Variants in MORN5 observed in about 807,000 individuals in gnomAD.
The protein encoded by MORN5 is MORN repeat-containing protein 5.
MORN5 carries 21 observed loss-of-function variants against 22.1 expected under a neutral mutation model. The ratio of observed to expected loss-of-function variants is 0.95; its 90% CI spans 0.67 to 1.37. The LOEUF (loss-of-function observed/expected upper bound fraction) is 1.37, where lower values mean the gene tolerates loss of function less well. Among genes scored for constraint, MORN5 ranks in the 40% most tolerant of loss-of-function variants. The probability of loss-of-function intolerance (pLI) is 0.00; values close to 1 mark genes in which losing one functional copy is unlikely to be tolerated. For synonymous variants in MORN5, 73 were observed against 74.0 expected (o/e 0.99, Z 0.07); for missense variants, 211 against 215.1 (o/e 0.98, Z 0.12).
intron 4 of MORN5, among the ~76,000 whole-genome samples, chr9:122,195,777 C>T (rs1039395580): frequency 7.2e-5 from 11 of 152,138 alleles, no homozygotes; most frequent in East Asian, 1.9e-4. Flanking sequence ...TGCACAGCCA[C>T]GCTTCAGAAG....
intron 4 of MORN5, among the ~76,000 whole-genome samples, chr9:122,176,959 T>C (rs1013933932): frequency 3.9e-5 from 6 of 152,178 alleles, no homozygotes; most frequent in Non-Finnish European, 7.4e-5. Context: ...AAGGAAGACA[T>C]TGAGGTAACA....
At position 122,174,646 on chromosome 9, in the gene MORN5, T is replaced by C. The variant is rs1435016511; in HGVS notation, c.439+19T>C. ...AACGCAGGTAGGTTTCTTCCGACAC[T>C]GCAGCACGTTTTCTCTTCACCCACA... On this transcript the variant is annotated intron_variant, in intron 4 of 4. Coordinates refer to ENST00000373764, the MANE Select transcript of MORN5 (RefSeq NM_198469.4). 1.2e-6 allele frequency: 2 copies of C among 1,614,002 alleles called. No individual in the cohort carries two copies. Among genetic ancestry groups the C allele is most frequent in the East Asian group, 2.2e-5 (1 of 44,876 alleles).
At chr9:122,187,965 AG>A (rs1829673992) in intron 4 of MORN5, among the ~76,000 whole-genome samples, 1 of 152,188 alleles carries the variant, frequency 6.6e-6, no homozygotes, top group African/African-American at 2.4e-5. Context: ...ATATGGGCAA[AG>A]GTCCAGAGAG....
intron 4 of MORN5, among the ~76,000 whole-genome samples, chr9:122,183,972 A>G (rs1030752035): frequency 2.6e-5 from 4 of 152,096 alleles, no homozygotes; most frequent in Non-Finnish European, 5.9e-5. Context: ...TAAATGGACA[A>G]TGGGAATAAG....
intron 3 of MORN5, among the ~76,000 whole-genome samples, chr9:122,171,116 A>T (rs1373165156): frequency 6.6e-6 from 1 of 152,192 alleles, no homozygotes; most frequent in African/African-American, 2.4e-5. Context: ...ATGAGAGACC[A>T]TGAGCTGTGG....
chr9:122,163,114 A>C (rs1829227175), intron 1 of MORN5, among the ~76,000 whole-genome samples: 1 of 152,276 alleles, frequency 6.6e-6, no homozygotes, highest in Middle Eastern at 3.4e-3. Flanking sequence ...GTAGTCGCAC[A>C]ATTGAGTTCT....
At chr9:122,187,443 C>A (rs1232149368) in intron 4 of MORN5, among the ~76,000 whole-genome samples, 4 of 152,216 alleles carry the variant, frequency 2.6e-5, no homozygotes, top group African/African-American at 9.6e-5. Context: ...TAAGCTCCCC[C>A]TAGACACAGG....
At position 122,169,186 on chromosome 9, in the gene MORN5, C is replaced by T. The variant is rs1829330808; in HGVS notation, c.196-459C>T. On this transcript the variant is annotated intron_variant, in intron 2 of 4. Coordinates refer to ENST00000373764, the MANE Select transcript of MORN5 (RefSeq NM_198469.4). Reference sequence around the variant, plus strand: ...CAGCCCACCGATTAAAATGTGAATCCCTTCTAGAAACGCCCTCATGAACAC... The same window carrying T: ...CAGCCCACCGATTAAAATGTGAATCTCTTCTAGAAACGCCCTCATGAACAC... Among the ~76,000 whole-genome samples, 3 of 152,134 alleles carry T rather than the reference C, an allele frequency of 2.0e-5. No individual in the cohort carries two copies. The South Asian group carries it at 6.2e-4, about 32-fold the overall frequency.
intron 4 of MORN5, among the ~76,000 whole-genome samples, chr9:122,185,203 C>A (rs985628265): frequency 1.3e-5 from 2 of 151,746 alleles, no homozygotes; most frequent in African/African-American, 4.8e-5. Flanking sequence ...CTACAGGCGC[C>A]CACCACCATG....
chr9:122,195,879 T>C (rs1829875782), intron 4 of MORN5, among the ~76,000 whole-genome samples: 2 of 152,162 alleles, frequency 1.3e-5, no homozygotes, highest in African/African-American at 4.8e-5. Context: ...TTTTATGCAT[T>C]TTTACCAGTA....
At chr9:122,176,035 G>T (rs144842293) in intron 4 of MORN5, among the ~76,000 whole-genome samples, 1 of 151,220 alleles carries the variant, frequency 6.6e-6, no homozygotes, top group Non-Finnish European at 1.5e-5. Context: ...GGAGAATGGC[G>T]TGAACCCGGG....
chr9:122,189,345 G>A (rs140877025), intron 4 of MORN5, among the ~76,000 whole-genome samples: 189 of 152,308 alleles, frequency 1.2e-3, no homozygotes, highest in African/African-American at 4.4e-3. Flanking sequence ...TGTAATCCCA[G>A]CACCTTGGGA....
rs553050374 is a variant in MORN5 at position 122,184,904 on chromosome 9, C to CAAGA, written c.439+10287_439+10290dup. Among the ~76,000 whole-genome samples the CAAGA allele has an allele frequency of 7.7e-4, 117 of 152,180 alleles. 1 individual carries two copies. The East Asian group carries it at 0.019, about 25-fold the overall frequency. Reference sequence around the variant, plus strand: ...AATGAGAAGTTGGAGTTTACTAGTGCAAGAAAGAAAGAACCGAGGGCCTGC... The same window carrying CAAGA: ...AATGAGAAGTTGGAGTTTACTAGTGCAAGAAAGAAAGAAAGAACCGAGGGCCTGC... On this transcript the variant is annotated intron_variant, in intron 4 of 4. Transcript: ENST00000373764.
chr9:122,162,286 G>T (rs1829211817), intron 1 of MORN5, among the ~76,000 whole-genome samples: 1 of 152,080 alleles, frequency 6.6e-6, no homozygotes, highest in Non-Finnish European at 1.5e-5. Context: ...TTTAGGGAGG[G>T]GATATTTTCC....
Position 122,159,916 on chromosome 9 carries a change from G to T in MORN5, c.-57G>T, listed in dbSNP as rs571961701. On this transcript the variant is annotated 5_prime_UTR_variant, in exon 1 of 5. Transcript: ENST00000373764. ...GCCCACCCCTCCAGGTTGTCATAGTGATGCCGTATCCACTGAGACTCCGGA... is the reference window on the plus strand; with the variant it reads ...GCCCACCCCTCCAGGTTGTCATAGTTATGCCGTATCCACTGAGACTCCGGA... 15 of 1,569,370 alleles carry T rather than the reference G, an allele frequency of 9.6e-6. No homozygotes were observed. In the Admixed American group the frequency reaches 2.5e-4, roughly 26 times the overall value.
intron 4 of MORN5, among the ~76,000 whole-genome samples, chr9:122,182,643 C>G (rs866872416): frequency 6.6e-6 from 1 of 152,110 alleles, no homozygotes; most frequent in Non-Finnish European, 1.5e-5. Context: ...CCCAGCTACT[C>G]GGGAGGCTGA....
chr9:122,167,293 G>A (rs902321393), intron 2 of MORN5, among the ~76,000 whole-genome samples: 7 of 148,704 alleles, frequency 4.7e-5, no homozygotes, highest in South Asian at 4.3e-4. Flanking sequence ...TGATCCACCC[G>A]CCTTGGCCTC....
Position 122,179,064 on chromosome 9 carries a change from C to T in MORN5, c.439+4437C>T, listed in dbSNP as rs147516984. On this transcript the variant is annotated intron_variant, in intron 4 of 4. Coordinates refer to ENST00000373764, the MANE Select transcript of MORN5 (RefSeq NM_198469.4). ...TTTCCTGGAAAAAGAAAGATCTACTCGGTAACCTAAAAAAGAACAGACGAA... is the reference window on the plus strand; with the variant it reads ...TTTCCTGGAAAAAGAAAGATCTACTTGGTAACCTAAAAAAGAACAGACGAA... 1.6e-3 allele frequency among the ~76,000 whole-genome samples: 236 copies of T among 152,126 alleles called. 1 individual carries two copies. Among genetic ancestry groups the T allele is most frequent in the Non-Finnish European group, 2.3e-3 (157 of 67,986 alleles).
rs183460337 is a variant in MORN5 at position 122,175,581 on chromosome 9, C to A, written c.439+954C>A. ...GCCAGAAAAATGTCCAATGCATGCA[C>A]ACACACACACACGTGCACCCACACG... On this transcript the variant is annotated intron_variant, in intron 4 of 4. Coordinates refer to ENST00000373764, the MANE Select transcript of MORN5 (RefSeq NM_198469.4). 5.4e-5 allele frequency: 53 copies of A among 979,028 alleles called. No homozygotes were observed. The African/African-American group carries it at 5.5e-4, about 10-fold the overall frequency. The allele number at this position is 979,028 out of a possible 1,614,324, so 60.6% of individuals were successfully genotyped here.
Sources: gnomAD v4.1 joint callset for allele counts (sites outside exome capture counted in the v4.1 genomes callset) on GRCh38, gnomAD v4.1.1 for gene constraint, MANE v1.5 for transcripts, NCBI Gene and HGNC (gene_info 2026-07-23, HGNC 2026-07-21) for gene names.